RARB: variants seen among roughly 807,000 people sequenced by gnomAD.
The protein encoded by RARB is retinoic acid receptor beta.
Under a neutral mutation model 51.9 loss-of-function variants are expected in RARB, and 17 were observed. The ratio of observed to expected loss-of-function variants is 0.33; its 90% CI spans 0.22 to 0.49. RARB has a LOEUF of 0.49. RARB is among the 20% of genes least tolerant of loss of function. RARB has a pLI of 0.99. For synonymous variants in RARB, 215 were observed against 195.4 expected (o/e 1.10, Z -0.84); for missense variants, 369 against 550.8 (o/e 0.67, Z 3.30).
chr3:25,451,422 A>C (rs74717659), intron 1 of RARB, among the ~76,000 whole-genome samples: 140 of 152,328 alleles, frequency 9.2e-4, no homozygotes, highest in African/African-American at 3.2e-3. Context: ...ATGCAGGCTC[A>C]TGGCATTTTC....
intron 5 of RARB, among the ~76,000 whole-genome samples, chr3:25,398,997 T>C (rs1362350633): frequency 4.0e-5 from 6 of 151,858 alleles, no homozygotes; most frequent in African/African-American, 1.5e-4. Flanking sequence ...AGTCCCCAGA[T>C]TACATGTGGC....
At chr3:24,869,221 G>A (rs1263879172) in intron 2 of RARB, among the ~76,000 whole-genome samples, 1 of 152,134 alleles carries the variant, frequency 6.6e-6, no homozygotes, top group African/African-American at 2.4e-5. Flanking sequence ...AAGTCTTCAT[G>A]TGTGAGATTT....
chr3:25,016,013 T>A (rs1408092174), intron 2 of RARB, among the ~76,000 whole-genome samples: 1 of 152,210 alleles, frequency 6.6e-6, no homozygotes, highest in African/African-American at 2.4e-5. Flanking sequence ...ATTTCTTCCA[T>A]GATTTCATAA....
intron 3 of RARB, among the ~76,000 whole-genome samples, chr3:25,534,554 A>G (rs528303211): frequency 7.2e-5 from 11 of 152,254 alleles, no homozygotes; most frequent in African/African-American, 2.6e-4. Flanking sequence ...ATCTGGGTGT[A>G]ACAGGTTCCC....
At chr3:24,995,509 A>G (rs1697002316) in intron 2 of RARB, among the ~76,000 whole-genome samples, 1 of 151,962 alleles carries the variant, frequency 6.6e-6, no homozygotes, top group South Asian at 2.1e-4. Flanking sequence ...ACTGTGTAGA[A>G]TAAAAGTGGT....
chr3:25,191,825 A>G (rs544416695), intron 5 of RARB, among the ~76,000 whole-genome samples: 1 of 152,254 alleles, frequency 6.6e-6, no homozygotes, highest in African/African-American at 2.4e-5. Flanking sequence ...GACAAATTAA[A>G]TCTTTGAGAA....
At chr3:25,195,327 A>T (rs567025672) in intron 5 of RARB, among the ~76,000 whole-genome samples, 1 of 152,182 alleles carries the variant, frequency 6.6e-6, no homozygotes, top group South Asian at 2.1e-4. Flanking sequence ...TTCTGACAAC[A>T]GTTTGCAGAA....
intron 4 of RARB, among the ~76,000 whole-genome samples, chr3:25,138,390 A>G (rs909733851): frequency 1.3e-5 from 2 of 151,196 alleles, no homozygotes; most frequent in South Asian, 2.1e-4. Flanking sequence ...TAGGTTGAAC[A>G]TTGCTTTAAA....
intron 2 of RARB, among the ~76,000 whole-genome samples, chr3:24,927,656 A>C (rs1057056945): frequency 1.3e-5 from 2 of 152,126 alleles, no homozygotes; most frequent in Non-Finnish European, 2.9e-5. Context: ...CCCTCAACAC[A>C]TACTAAGAAA....
At chr3:25,424,281 A>G (rs926229169), upstream of RARB, among the ~76,000 whole-genome samples, 2 of 152,238 alleles carry the variant, frequency 1.3e-5, no homozygotes, top group Non-Finnish European at 1.5e-5. Context: ...AGATCCACGA[A>G]CATCAACAGT....
intron 5 of RARB, among the ~76,000 whole-genome samples, chr3:25,329,503 T>G (rs954616037): frequency 6.6e-6 from 1 of 151,186 alleles, no homozygotes; most frequent in East Asian, 1.9e-4. Context: ...AAACCCCACC[T>G]ATATATCACC....
intron 2 of RARB, among the ~76,000 whole-genome samples, chr3:25,000,442 T>C (rs1424274183): frequency 2.0e-5 from 3 of 152,130 alleles, no homozygotes; most frequent in African/African-American, 7.2e-5. Context: ...CAGAGAGAAA[T>C]CCTCTTTTTT....
At chr3:25,152,812 A>G (rs1424638952) in intron 4 of RARB, among the ~76,000 whole-genome samples, 4 of 152,248 alleles carry the variant, frequency 2.6e-5, no homozygotes, top group African/African-American at 7.2e-5. Flanking sequence ...TACTTAGAGC[A>G]GTAATGCTTT....
intron 5 of RARB, among the ~76,000 whole-genome samples, chr3:25,338,667 T>C (rs894285927): frequency 2.6e-5 from 4 of 152,198 alleles, no homozygotes; most frequent in African/African-American, 9.7e-5. Flanking sequence ...TCTGGAAGAC[T>C]CAGGTCATGT....
intron 5 of RARB, among the ~76,000 whole-genome samples, chr3:25,193,896 T>TA (rs1701163937): frequency 2.0e-5 from 1 of 50,506 alleles, no homozygotes; most frequent in Non-Finnish European, 4.0e-5. Context: ...TTCAAAATTG[T>TA]ATATGTAATT....
chr3:24,872,076 T>C (rs1441837741), intron 2 of RARB, among the ~76,000 whole-genome samples: 2 of 152,164 alleles, frequency 1.3e-5, no homozygotes, highest in Non-Finnish European at 2.9e-5. Flanking sequence ...GTCATGACAC[T>C]TCTTAAAGTC....
intron 3 of RARB, among the ~76,000 whole-genome samples, chr3:25,067,968 C>A (rs1698695498): frequency 6.6e-6 from 1 of 151,400 alleles, no homozygotes; most frequent in Admixed American, 6.6e-5. Flanking sequence ...AAAACTCTGT[C>A]TCTACTAAAA....
chr3:25,121,821 A>G (rs1466614374), intron 3 of RARB, among the ~76,000 whole-genome samples: 1 of 152,210 alleles, frequency 6.6e-6, no homozygotes. Flanking sequence ...AACACTAGGA[A>G]TAATAACCTT....
chr3:25,105,831 C>T (rs1438174393), intron 3 of RARB, among the ~76,000 whole-genome samples: 1 of 152,100 alleles, frequency 6.6e-6, no homozygotes, highest in Non-Finnish European at 1.5e-5. Flanking sequence ...CTATCATGAA[C>T]ATATATCTTC....
Sources: gnomAD v4.1 joint callset for allele counts (sites outside exome capture counted in the v4.1 genomes callset) on GRCh38, gnomAD v4.1.1 for gene constraint, MANE v1.5 for transcripts, NCBI Gene and HGNC (gene_info 2026-07-23, HGNC 2026-07-21) for gene names.